Variants in THSD7B observed in about 807,000 individuals in gnomAD.
THSD7B encodes thrombospondin type-1 domain-containing protein 7B.
A neutral mutation model predicts 213.6 loss-of-function variants in THSD7B; 138 were observed. The observed-to-expected ratio is 0.65, with a 90% confidence interval of 0.56 to 0.74. The LOEUF is 0.74. THSD7B is among the 30% of genes least tolerant of loss of function. THSD7B has a pLI of 0.00. For synonymous variants in THSD7B, 742 were observed against 687.0 expected (o/e 1.08, Z -1.25); for missense variants, 1,931 against 1,991.5 (o/e 0.97, Z 0.58).
At chr2:137,201,259 A>G (rs1573882413) in intron 7 of THSD7B, among the ~76,000 whole-genome samples, 1 of 152,234 alleles carries the variant, frequency 6.6e-6, no homozygotes, top group East Asian at 1.9e-4. Context: ...GCTGGAAAAC[A>G]TTCTGGGGTG....
intron 2 of THSD7B, among the ~76,000 whole-genome samples, chr2:136,962,978 T>C (rs1469514): frequency 0.98 from 148,475 of 152,278 alleles, 72,504 homozygotes; most frequent in Middle Eastern, 1. Context: ...ACAAGAGGAT[T>C]AAAGGAGAAG....
chr2:137,632,361 G>A (rs1208531385), intron 20 of THSD7B, among the ~76,000 whole-genome samples: 1 of 152,144 alleles, frequency 6.6e-6, no homozygotes, highest in Non-Finnish European at 1.5e-5. Context: ...TGCATGTTAT[G>A]TAGTTTATCT....
At chr2:137,418,007 T>C (rs1686836578) in intron 14 of THSD7B, among the ~76,000 whole-genome samples, 1 of 152,214 alleles carries the variant, frequency 6.6e-6, no homozygotes, top group Admixed American at 6.5e-5. Context: ...GGAAGAATAA[T>C]AGTGTCTGGG....
intron 15 of THSD7B, among the ~76,000 whole-genome samples, chr2:137,464,694 T>C (rs1687957160): frequency 6.6e-6 from 1 of 152,098 alleles, no homozygotes; most frequent in African/African-American, 2.4e-5. Context: ...CAGTGAAAAG[T>C]TGCTATTAGT....
At chr2:137,063,593 G>A (rs1471852128) in intron 3 of THSD7B, among the ~76,000 whole-genome samples, 6 of 151,906 alleles carry the variant, frequency 3.9e-5, no homozygotes, top group Non-Finnish European at 8.8e-5. Context: ...ATATCACTCT[G>A]TTTTGCTAGC....
intron 17 of THSD7B, among the ~76,000 whole-genome samples, chr2:137,599,062 T>C: frequency 8.2e-6 from 1 of 122,246 alleles, no homozygotes; most frequent in East Asian, 2.6e-4. Flanking sequence ...GTCCCCAGAG[T>C]GTGGTATTCC....
At chr2:137,277,383 C>T (rs139711834) in intron 12 of THSD7B, among the ~76,000 whole-genome samples, 176 of 152,140 alleles carry the variant, frequency 1.2e-3, no homozygotes, top group African/African-American at 4.0e-3. Context: ...CTAAATTTGA[C>T]ACCAACATTA....
Position 137,450,908 on chromosome 2 carries a change from G to T in THSD7B, c.3023G>T (p.Ser1008Ile). ...PFDCKLSDWS[S>I]WGSCSSSCGI... is the part of the protein sequence containing the mutation. ...GATTGCAAGTTAAGCGATTGGTCTA[G>T]TTGGGGGTCTTGCAGTTCATCTTGT... Residue 1008 changes from serine to isoleucine, a missense_variant, in exon 15 of 28, where the codon AGT becomes ATT. Ser to Ile is a moderately radical substitution (Grantham distance 142, BLOSUM62 -2). Coordinates refer to ENST00000409968, the MANE Select transcript of THSD7B (RefSeq NM_001316349.2). 1 of 1,613,632 alleles carries T rather than the reference G, an allele frequency of 6.2e-7. No individual in the cohort carries two copies. The highest frequency in any genetic ancestry group is 8.5e-7 in the Non-Finnish European group (1 of 1,179,678).
At chr2:137,675,445 T>TATATATGC (rs1199450259) in intron 27 of THSD7B, among the ~76,000 whole-genome samples, 30 of 114,462 alleles carry the variant, frequency 2.6e-4, no homozygotes, top group African/African-American at 9.6e-4. Context: ...TATATATATA[T>TATATATGC]ATGCGGACAG....
chr2:137,007,396 A>T (rs1212447990), intron 2 of THSD7B, among the ~76,000 whole-genome samples: 1 of 152,196 alleles, frequency 6.6e-6, no homozygotes, highest in South Asian at 2.1e-4. Flanking sequence ...TTTCCTGCAG[A>T]TTTGAATCAC....
chr2:137,242,033 T>C (rs1276535334), intron 9 of THSD7B, among the ~76,000 whole-genome samples: 1 of 152,240 alleles, frequency 6.6e-6, no homozygotes, highest in Non-Finnish European at 1.5e-5. Context: ...TGTTTTCCAA[T>C]ATATGTTTAT....
At chr2:136,879,545 A>C (rs373456197) in intron 1 of THSD7B, among the ~76,000 whole-genome samples, 3,180 of 152,244 alleles carry the variant, frequency 0.021, 62 homozygotes, top group East Asian at 0.094. Context: ...CTTCCTACCC[A>C]TGAGCATGGA....
chr2:137,472,680 T>C (rs1299822844), intron 15 of THSD7B, among the ~76,000 whole-genome samples: 1 of 152,210 alleles, frequency 6.6e-6, no homozygotes, highest in Non-Finnish European at 1.5e-5. Context: ...AGTATTATAG[T>C]AGACCATTTA....
At chr2:137,533,213 C>A (rs560524758) in intron 15 of THSD7B, among the ~76,000 whole-genome samples, 1 of 151,824 alleles carries the variant, frequency 6.6e-6, no homozygotes, top group East Asian at 2.0e-4. Flanking sequence ...CAGATTAAAT[C>A]ATTTCTGACT....
chr2:137,488,782 A>G (rs975676775), intron 15 of THSD7B, among the ~76,000 whole-genome samples: 5 of 152,212 alleles, frequency 3.3e-5, no homozygotes, highest in Non-Finnish European at 7.3e-5. Context: ...TGAATTTGAA[A>G]TTACCAAATG....
At chr2:137,027,308 C>G (rs11895172) in intron 2 of THSD7B, among the ~76,000 whole-genome samples, 178 of 152,224 alleles carry the variant, frequency 1.2e-3, no homozygotes, top group African/African-American at 4.0e-3. Context: ...TGTGTCTTTC[C>G]TCCAAGTAGT....
At chr2:137,297,888 T>A (rs776238710) in intron 12 of THSD7B, among the ~76,000 whole-genome samples, 1 of 152,182 alleles carries the variant, frequency 6.6e-6, no homozygotes, top group Non-Finnish European at 1.5e-5. Context: ...CTCTTTCTTT[T>A]GTAAATTGCC....
chr2:136,919,468 G>T (rs956181569), intron 2 of THSD7B, among the ~76,000 whole-genome samples: 1 of 152,228 alleles, frequency 6.6e-6, no homozygotes, highest in Non-Finnish European at 1.5e-5. Flanking sequence ...TATAATGCCA[G>T]TTGCTTCTCA....
At chr2:137,011,875 C>T (rs1443785890) in intron 2 of THSD7B, among the ~76,000 whole-genome samples, 2 of 152,170 alleles carry the variant, frequency 1.3e-5, no homozygotes, top group Non-Finnish European at 2.9e-5. Context: ...CTGAATCCAT[C>T]ATTGTTTGTT....
Sources: gnomAD v4.1 joint callset for allele counts (sites outside exome capture counted in the v4.1 genomes callset) on GRCh38, gnomAD v4.1.1 for gene constraint, MANE v1.5 for transcripts, NCBI Gene and HGNC (gene_info 2026-07-23, HGNC 2026-07-21) for gene names.